The following FBXL7 variants were observed in gnomAD, a reference collection of about 807,000 sequenced individuals.
The protein encoded by FBXL7 is F-box/LRR-repeat protein 7.
A neutral mutation model predicts 38.3 loss-of-function variants in FBXL7; 12 were observed. The ratio of observed to expected loss-of-function variants is 0.31; its 90% CI spans 0.20 to 0.51. The LOEUF (loss-of-function observed/expected upper bound fraction) is 0.51. Ranked by LOEUF, FBXL7 falls within the 20% of genes least tolerant of loss-of-function variation. FBXL7 has a pLI of 0.98. For missense variants in FBXL7, 567 were observed against 676.4 expected, an observed-to-expected ratio of 0.84 and a Z score of 1.79; for synonymous variants, 297 against 300.9, an observed-to-expected ratio of 0.99 and a Z score of 0.13.
chr5:15,516,677 C>T (rs1185425251), intron 1 of FBXL7, among the ~76,000 whole-genome samples: 1 of 151,818 alleles, frequency 6.6e-6, no homozygotes, highest in South Asian at 2.1e-4. Flanking sequence ...TCCCACATGT[C>T]GTGGGAGGGA....
chr5:15,873,631 T>C (rs79670541), intron 2 of FBXL7, among the ~76,000 whole-genome samples: 7 of 152,116 alleles, frequency 4.6e-5, no homozygotes, highest in Non-Finnish European at 8.8e-5. Flanking sequence ...GAGAATACCA[T>C]AAACACCTCT....
intron 2 of FBXL7, among the ~76,000 whole-genome samples, chr5:15,771,573 T>A (rs558423004): frequency 2.0e-5 from 3 of 152,246 alleles, no homozygotes; most frequent in Non-Finnish European, 2.9e-5. Context: ...TGGGATAACC[T>A]CTGGCTGGGA....
At chr5:15,651,698 C>G (rs1162593978) in intron 2 of FBXL7, among the ~76,000 whole-genome samples, 1 of 152,200 alleles carries the variant, frequency 6.6e-6, no homozygotes, top group Non-Finnish European at 1.5e-5. Flanking sequence ...CATAATTCAT[C>G]AGAGCCCTAA....
Position 15,768,446 on chromosome 5 carries a change from G to A in FBXL7, c.127+152374G>A, listed in dbSNP as rs558783766. 4.6e-5 allele frequency among the ~76,000 whole-genome samples: 7 copies of A among 151,840 alleles called. No individual in the cohort carries two copies. In the South Asian group the frequency reaches 8.3e-4, roughly 18 times the overall value. ...CTCGGGAGGCTGAGACAGGAGAATC[G>A]CTTGAATCTGAAAGGTGGAGGTCGC... On this transcript the variant is annotated intron_variant, in intron 2 of 3. Coordinates refer to ENST00000504595, the MANE Select transcript of FBXL7 (RefSeq NM_012304.5).
intron 2 of FBXL7, among the ~76,000 whole-genome samples, chr5:15,691,844 T>C (rs374237106): frequency 6.6e-6 from 1 of 152,166 alleles, no homozygotes; most frequent in African/African-American, 2.4e-5. Flanking sequence ...GTCTGGAAAG[T>C]CAATGGTACC....
At chr5:15,905,043 T>C (rs1350756554) in intron 2 of FBXL7, among the ~76,000 whole-genome samples, 1 of 152,236 alleles carries the variant, frequency 6.6e-6, no homozygotes, top group Non-Finnish European at 1.5e-5. Flanking sequence ...CTGCACTACA[T>C]TTAAGCATTA....
chr5:15,541,877 A>G (rs978724952), intron 1 of FBXL7, among the ~76,000 whole-genome samples: 1 of 151,452 alleles, frequency 6.6e-6, no homozygotes, highest in Admixed American at 6.6e-5. Context: ...CCTTGTCATT[A>G]CCTTCTGGTT....
intron 1 of FBXL7, among the ~76,000 whole-genome samples, chr5:15,588,522 G>A (rs1739369629): frequency 6.6e-6 from 1 of 151,810 alleles, no homozygotes; most frequent in South Asian, 2.1e-4. Context: ...GAGTAGCTGG[G>A]GTTACAGGCT....
At chr5:15,853,675 G>A (rs1479553926) in intron 2 of FBXL7, among the ~76,000 whole-genome samples, 3 of 152,154 alleles carry the variant, frequency 2.0e-5, no homozygotes, top group African/African-American at 7.2e-5. Flanking sequence ...GCTCTGACTT[G>A]AGAAGAAACG....
intron 2 of FBXL7, among the ~76,000 whole-genome samples, chr5:15,829,387 A>G (rs1738395464): frequency 6.6e-6 from 1 of 152,204 alleles, no homozygotes; most frequent in South Asian, 2.1e-4. Context: ...GTCTTCTTAT[A>G]ATTATGAAAA....
At chr5:15,795,370 A>G (rs1478172182) in intron 2 of FBXL7, among the ~76,000 whole-genome samples, 1 of 152,226 alleles carries the variant, frequency 6.6e-6, no homozygotes, top group African/African-American at 2.4e-5. Context: ...GTTCAGAACA[A>G]TATAGCTAAA....
chr5:15,878,697 A>G (rs529128337), intron 2 of FBXL7, among the ~76,000 whole-genome samples: 26 of 152,302 alleles, frequency 1.7e-4, no homozygotes, highest in South Asian at 8.3e-4. Context: ...CATACAGTCA[A>G]TTAAAGAATG....
intron 1 of FBXL7, among the ~76,000 whole-genome samples, chr5:15,547,900 G>A (rs1012664012): frequency 1.3e-5 from 2 of 152,148 alleles, no homozygotes; most frequent in African/African-American, 4.8e-5. Context: ...ACTTGAAGTC[G>A]GCAACATGAG....
At chr5:15,930,956 T>C (rs901160582) in intron 3 of FBXL7, among the ~76,000 whole-genome samples, 1 of 152,230 alleles carries the variant, frequency 6.6e-6, no homozygotes, top group African/African-American at 2.4e-5. Context: ...GTTTTACAGC[T>C]GGGCCCCGAT....
At chr5:15,519,066 G>A (rs1026594983) in intron 1 of FBXL7, among the ~76,000 whole-genome samples, 2 of 152,152 alleles carry the variant, frequency 1.3e-5, no homozygotes, top group African/African-American at 4.8e-5. Context: ...CCCTGCAGCA[G>A]GGCGCGGTGG....
At chr5:15,629,041 G>A (rs1683620214) in intron 2 of FBXL7, among the ~76,000 whole-genome samples, 1 of 152,018 alleles carries the variant, frequency 6.6e-6, no homozygotes, top group African/African-American at 2.4e-5. Context: ...ACTTTGGGAG[G>A]CTGAGGTGGG....
At chr5:15,544,342 C>T (rs999032763) in intron 1 of FBXL7, among the ~76,000 whole-genome samples, 35 of 152,344 alleles carry the variant, frequency 2.3e-4, no homozygotes, top group Non-Finnish European at 7.3e-5. Flanking sequence ...TCCCTTGTTT[C>T]AGTACGTCAA....
chr5:15,641,990 A>G (rs1741382648), intron 2 of FBXL7, among the ~76,000 whole-genome samples: 1 of 125,070 alleles, frequency 8.0e-6, no homozygotes. Context: ...TGTGTGTCCT[A>G]TTGGTTCTAT....
At chr5:15,885,437 A>G (rs1561172998) in intron 2 of FBXL7, among the ~76,000 whole-genome samples, 1 of 152,076 alleles carries the variant, frequency 6.6e-6, no homozygotes, top group Non-Finnish European at 1.5e-5. Context: ...CAATCCACAC[A>G]CTCCAGGGGA....
Sources: gnomAD v4.1 joint callset for allele counts (sites outside exome capture counted in the v4.1 genomes callset) on GRCh38, gnomAD v4.1.1 for gene constraint, MANE v1.5 for transcripts, NCBI Gene and HGNC (gene_info 2026-07-23, HGNC 2026-07-21) for gene names.